Variants in ARMH4 observed in about 807,000 individuals in gnomAD.
ARMH4 encodes the protein armadillo-like helical domain-containing protein 4.
In ARMH4, 49 loss-of-function variants were observed where a neutral mutation model predicts 61.9. The ratio of observed to expected loss-of-function variants is 0.79; its 90% CI spans 0.63 to 1.00. The LOEUF (loss-of-function observed/expected upper bound fraction) is 1.00, where lower values mean the gene tolerates loss of function less well. Ranked by LOEUF, ARMH4 falls within the 50% of genes least tolerant of loss-of-function variation. The pLI is 0.00. For missense variants in ARMH4, 934 were observed against 930.0 expected (o/e 1.00, Z -0.06); for synonymous variants, 368 against 341.5 (o/e 1.08, Z -0.85).
At chr14:58,028,715 G>A (rs56145805) in intron 5 of ARMH4, among the ~76,000 whole-genome samples, 25,270 of 151,990 alleles carry the variant, frequency 0.17, 2,649 homozygotes, top group East Asian at 0.48. Context: ...CAGTACTCAG[G>A]CTTCAAGTTG....
intron 5 of ARMH4, among the ~76,000 whole-genome samples, chr14:58,060,585 G>A (rs917661134): frequency 1.3e-5 from 2 of 152,146 alleles, no homozygotes; most frequent in Non-Finnish European, 2.9e-5. Context: ...CTAAGCATCT[G>A]TGACATTGAC....
At chr14:58,146,605 T>C (rs1196273764) in intron 1 of ARMH4, among the ~76,000 whole-genome samples, 2 of 152,232 alleles carry the variant, frequency 1.3e-5, no homozygotes, top group Admixed American at 6.5e-5. Flanking sequence ...TCAGGCATTA[T>C]CTTTGACAAT....
intron 4 of ARMH4, among the ~76,000 whole-genome samples, chr14:58,107,598 T>A (rs1177239685): frequency 6.6e-6 from 1 of 152,002 alleles, no homozygotes; most frequent in Non-Finnish European, 1.5e-5. Context: ...AAACAGCCTC[T>A]ATTAAAAATA....
At position 58,002,670 on chromosome 14, in the gene ARMH4, C is replaced by T. The variant is rs143121759; in HGVS notation, c.*2066G>A. 1 of 152,350 alleles carries T rather than the reference C, an allele frequency of 6.6e-6. No homozygotes were observed. Among genetic ancestry groups the T allele is most frequent in the Admixed American group, 6.5e-5 (1 of 15,302 alleles). The allele number at this position is 152,350 out of a possible 1,614,324, so 9.4% of individuals were successfully genotyped here. On this transcript the variant is annotated 3_prime_UTR_variant, in exon 8 of 8. Coordinates refer to ENST00000267485, the MANE Select transcript of ARMH4 (RefSeq NM_001001872.4). ...ACAAAGACAGTAATGCCACACCATG[C>T]TCACTTACTCCCAACCTTAGAAACA... is the stretch of plus-strand genomic sequence containing the variant.
chr14:58,086,061 T>A (rs184283232), intron 5 of ARMH4, among the ~76,000 whole-genome samples: 6 of 152,320 alleles, frequency 3.9e-5, no homozygotes, highest in Admixed American at 1.3e-4. Context: ...GATGCAATAG[T>A]TGTTTTCATT....
chr14:58,096,201 A>G (rs530395088), intron 5 of ARMH4, among the ~76,000 whole-genome samples: 10 of 152,314 alleles, frequency 6.6e-5, no homozygotes, highest in African/African-American at 2.4e-4. Context: ...CTGAACAGAA[A>G]AATCATGGGA....
At chr14:58,039,574 G>A (rs1883612601) in intron 5 of ARMH4, among the ~76,000 whole-genome samples, 1 of 152,166 alleles carries the variant, frequency 6.6e-6, no homozygotes. Context: ...GGGCCACAAA[G>A]GGTTAAGTCC....
At chr14:58,135,603 C>T (rs1390516708) in intron 2 of ARMH4, among the ~76,000 whole-genome samples, 1 of 151,824 alleles carries the variant, frequency 6.6e-6, no homozygotes, top group African/African-American at 2.4e-5. Context: ...TTTAAAGTTT[C>T]CTAACATCTC....
intron 5 of ARMH4, among the ~76,000 whole-genome samples, chr14:58,092,991 T>G (rs1444731287): frequency 6.6e-6 from 1 of 152,094 alleles, no homozygotes; most frequent in Admixed American, 6.6e-5. Flanking sequence ...TGGGACGGAC[T>G]TCGTGGGAGG....
chr14:58,108,493 C>A (rs977326888), intron 4 of ARMH4, among the ~76,000 whole-genome samples: 1 of 152,182 alleles, frequency 6.6e-6, no homozygotes, highest in South Asian at 2.1e-4. Flanking sequence ...AAGTTACTGA[C>A]TGCTATATTT....
At chr14:58,026,040 G>A (rs955153598) in intron 5 of ARMH4, among the ~76,000 whole-genome samples, 4 of 151,760 alleles carry the variant, frequency 2.6e-5, no homozygotes, top group Non-Finnish European at 4.4e-5. Flanking sequence ...GATACCTAGT[G>A]GGAAGATGCA....
intron 5 of ARMH4, among the ~76,000 whole-genome samples, chr14:58,061,440 G>A (rs1003330077): frequency 6.6e-6 from 1 of 152,154 alleles, no homozygotes; most frequent in East Asian, 1.9e-4. Context: ...CTCACTGCCT[G>A]CCTAGAATCA....
chr14:58,111,692 T>C (rs541177315), intron 4 of ARMH4, among the ~76,000 whole-genome samples: 1 of 152,122 alleles, frequency 6.6e-6, no homozygotes, highest in Non-Finnish European at 1.5e-5. Context: ...CTTCTTTTTT[T>C]TTTTTATTTC....
chr14:58,104,937 T>C (rs1404489515), intron 4 of ARMH4, among the ~76,000 whole-genome samples: 1 of 152,246 alleles, frequency 6.6e-6, no homozygotes, highest in Admixed American at 6.5e-5. Context: ...AACACATTCC[T>C]CTGAATACTC....
At chr14:58,134,257 G>A (rs752042364) in intron 2 of ARMH4, among the ~76,000 whole-genome samples, 5 of 152,160 alleles carry the variant, frequency 3.3e-5, no homozygotes, top group Non-Finnish European at 7.3e-5. Flanking sequence ...CCTTGGAGAG[G>A]CCTCTGTAGA....
chr14:58,101,878 G>A lies in ARMH4; in HGVS notation c.1832-4897C>T, dbSNP rs1015540650. 1.3e-5 allele frequency among the ~76,000 whole-genome samples: 2 copies of A among 152,288 alleles called. 1 individual carries two copies. The highest frequency in any genetic ancestry group is 6.8e-3 in the Middle Eastern group (2 of 294). On this transcript the variant is annotated intron_variant, in intron 4 of 7. Coordinates refer to ENST00000267485, the MANE Select transcript of ARMH4 (RefSeq NM_001001872.4). ...TAAAGATATTCCTCACAAAGAAGAAGTCTGTTCTTTAATTTCACAAATGGA... is the reference window on the plus strand; with the variant it reads ...TAAAGATATTCCTCACAAAGAAGAAATCTGTTCTTTAATTTCACAAATGGA...
At position 58,103,517 on chromosome 14, in the gene ARMH4, G is replaced by A. The variant is rs1006867153; in HGVS notation, c.1832-6536C>T. Reference sequence around the variant, plus strand: ...TCTATTATTCATAAAACCAACTCCCGCCCCCCCCAAAAAAAAACCCTACTT... The same window carrying A: ...TCTATTATTCATAAAACCAACTCCCACCCCCCCCAAAAAAAAACCCTACTT... On this transcript the variant is annotated intron_variant, in intron 4 of 7. Coordinates refer to ENST00000267485, the MANE Select transcript of ARMH4 (RefSeq NM_001001872.4). Among the ~76,000 whole-genome samples the A allele has an allele frequency of 3.3e-5, 5 of 149,926 alleles. No individual in the cohort carries two copies. The South Asian group carries it at 6.4e-4, about 19-fold the overall frequency.
At chr14:58,042,507 A>G (rs1437002340) in intron 5 of ARMH4, among the ~76,000 whole-genome samples, 1 of 152,268 alleles carries the variant, frequency 6.6e-6, no homozygotes, top group South Asian at 2.1e-4. Context: ...GGAAAGATCT[A>G]AAATTGACAC....
chr14:58,064,132 G>A (rs923390646), intron 5 of ARMH4, among the ~76,000 whole-genome samples: 9 of 149,862 alleles, frequency 6.0e-5, no homozygotes, highest in Non-Finnish European at 1.2e-4. Flanking sequence ...TCCAACACAC[G>A]ATTATCATAT....
Sources: allele counts gnomAD v4.1 joint callset (sites outside exome capture counted in the v4.1 genomes callset), GRCh38; gene constraint gnomAD v4.1.1; transcripts MANE v1.5; gene names NCBI Gene and HGNC (gene_info 2026-07-23, HGNC 2026-07-21).